BAZ1A: variants seen among roughly 807,000 people sequenced by gnomAD.
The protein encoded by BAZ1A is bromodomain adjacent to zinc finger domain 1A, also known as bromodomain adjacent to zinc finger domain protein 1A.
In BAZ1A, 50 loss-of-function variants were observed where a neutral mutation model predicts 185.2. The observed-to-expected ratio is 0.27, with a 90% CI of 0.22 to 0.34. BAZ1A has a LOEUF of 0.34. Among genes scored for constraint, BAZ1A ranks in the 10% least tolerant of loss-of-function variants. The pLI is 1.00. For synonymous variants in BAZ1A, 571 were observed against 615.6 expected (o/e 0.93, Z 1.07); for missense variants, 1,356 against 1,839.9 (o/e 0.74, Z 4.81).
intron 18 of BAZ1A, among the ~76,000 whole-genome samples, chr14:34,775,030 C>A (rs1372177325): frequency 6.6e-6 from 1 of 152,084 alleles, no homozygotes; most frequent in African/African-American, 2.4e-5. Context: ...GCCTGGCCAA[C>A]ATGGTGAAAC....
intron 3 of BAZ1A, among the ~76,000 whole-genome samples, chr14:34,850,714 ATC>A (rs2138787424): frequency 6.6e-6 from 1 of 152,298 alleles, no homozygotes; most frequent in South Asian, 2.1e-4. Context: ...AAATTTTAGA[ATC>A]TCTGCCACTT....
Position 34,826,065 on chromosome 14 carries a change from T to C in BAZ1A, c.484A>G (p.Ile162Val). 1 of 1,608,520 alleles carries C rather than the reference T, an allele frequency of 6.2e-7. No homozygotes were observed. The highest frequency in any genetic ancestry group is 8.5e-7 in the Non-Finnish European group (1 of 1,176,974). ...TCTGAATCATCACTATCACTGATGA[T>C]AATAGTTTCTCCATCCACACTGTTA... ...HVNSVDGETI[I>V]ISDSDDSETQ... is the part of the protein sequence containing the mutation. The change falls in exon 4 of 27, where the codon ATC (isoleucine) becomes GTC (valine). Residue 162 changes from isoleucine (I) to valine (V), a missense_variant. Physicochemically the swap from Ile to Val is conservative, Grantham distance 29. Coordinates refer to ENST00000360310, the MANE Select transcript of BAZ1A (RefSeq NM_013448.3).
chr14:34,790,631 G>A (rs1006336814), intron 12 of BAZ1A, among the ~76,000 whole-genome samples: 3 of 152,130 alleles, frequency 2.0e-5, no homozygotes, highest in Non-Finnish European at 2.9e-5. Flanking sequence ...TGGGATTACA[G>A]GCATGAGCCA....
chr14:34,757,594 G>A (rs1886312767), intron 25 of BAZ1A, among the ~76,000 whole-genome samples: 1 of 151,900 alleles, frequency 6.6e-6, no homozygotes, highest in Non-Finnish European at 1.5e-5. Flanking sequence ...GAACCCGGGA[G>A]GTGGAGGTTG....
At chr14:34,832,492 G>A (rs1238455471) in intron 3 of BAZ1A, among the ~76,000 whole-genome samples, 2 of 149,042 alleles carry the variant, frequency 1.3e-5, no homozygotes, top group Non-Finnish European at 3.0e-5. Context: ...TCAAAGACGG[G>A]CAAAAGACTT....
At position 34,758,899 on chromosome 14, in the gene BAZ1A, A is replaced by G. The variant is rs79463037; in HGVS notation, c.4244-53T>C. 881 of 1,568,550 alleles carry G rather than the reference A, an allele frequency of 5.6e-4. 4 individuals carry two copies. In the African/African-American group the frequency reaches 0.011, roughly 19 times the overall value. ...TGATAACAAAGCAAAATATTGGTTC[A>G]CTACACGCCAAACTGGATATATAAA... On this transcript the variant is annotated intron_variant, in intron 24 of 26. Coordinates refer to ENST00000360310, the MANE Select transcript of BAZ1A (RefSeq NM_013448.3).
intron 3 of BAZ1A, among the ~76,000 whole-genome samples, chr14:34,854,072 T>C (rs565740772): frequency 6.8e-6 from 1 of 147,230 alleles, no homozygotes; most frequent in Non-Finnish European, 1.5e-5. Context: ...TTATTTTAAC[T>C]GAAATTTAAG....
At chr14:34,794,998 C>G in intron 10 of BAZ1A, 111 bp from the exon 11 acceptor site, 1 of 1,386,274 alleles carries the variant, frequency 7.2e-7, no homozygotes, top group Non-Finnish European at 9.6e-7. Flanking sequence ...TTGTAAGCTA[C>G]TGGTTCTCAA....
At chr14:34,823,668 A>C (rs1233675759) in intron 4 of BAZ1A, among the ~76,000 whole-genome samples, 2 of 152,196 alleles carry the variant, frequency 1.3e-5, no homozygotes, top group African/African-American at 4.8e-5. Flanking sequence ...TCTCAAAAAA[A>C]AAATTTTTCA....
chr14:34,872,913 T>TAAAAAAAAAAAAAAAAA lies in BAZ1A; in HGVS notation c.113+1562_113+1578dup, dbSNP rs35955993. ...AGCAAGGCCTGTAGCTTTAAAATCC[T>TAAAAAAAAAAAAAAAAA]AAAAAAAAAAAAAAAAAAAAAAAAA... On this transcript the variant is annotated intron_variant, in intron 2 of 26. Transcript: ENST00000360310. Among the ~76,000 whole-genome samples the TAAAAAAAAAAAAAAAAA allele has an allele frequency of 2.5e-4, 19 of 76,184 alleles. 1 individual carries two copies. Among genetic ancestry groups the TAAAAAAAAAAAAAAAAA allele is most frequent in the African/African-American group, 8.3e-4 (12 of 14,412 alleles). The allele number at this position is 76,184 out of a possible 152,430, so 50.0% of individuals were successfully genotyped here.
At chr14:34,858,542 T>C (rs541181629) in intron 3 of BAZ1A, among the ~76,000 whole-genome samples, 119 of 152,260 alleles carry the variant, frequency 7.8e-4, no homozygotes, top group African/African-American at 2.7e-3. Flanking sequence ...CTCGAACTCC[T>C]GACCTCAGGT....
intron 3 of BAZ1A, among the ~76,000 whole-genome samples, chr14:34,854,676 T>C (rs1022606662): frequency 5.3e-5 from 8 of 152,200 alleles, no homozygotes; most frequent in Non-Finnish European, 7.3e-5. Context: ...AAGGATGTCA[T>C]TTGTCCAACA....
chr14:34,813,543 G>A (rs868116939), intron 4 of BAZ1A, among the ~76,000 whole-genome samples: 3 of 152,092 alleles, frequency 2.0e-5, no homozygotes, highest in African/African-American at 7.2e-5. Flanking sequence ...AGTTAGCCAG[G>A]TGTGGTGGTG....
chr14:34,833,866 ATGTT>A (rs1220532178), intron 3 of BAZ1A, among the ~76,000 whole-genome samples: 7 of 152,110 alleles, frequency 4.6e-5, no homozygotes, highest in Non-Finnish European at 7.4e-5. Context: ...TAAAAATTTT[ATGTT>A]TATTTTACTA....
Position 34,802,952 on chromosome 14 carries a change from C to T in BAZ1A, c.763G>A (p.Asp255Asn). The T allele has an allele frequency of 6.2e-7, 1 of 1,612,220 alleles. No homozygotes were observed. Among genetic ancestry groups the T allele is most frequent in the Non-Finnish European group, 8.5e-7 (1 of 1,178,358 alleles). ...SLSTYKIAEQDFSYFFPDDPP... is the reference protein window; with the variant it reads ...SLSTYKIAEQNFSYFFPDDPP... ...TCATCAGGGAAGAAATAAGAAAAAT[C>T]TTGTTCTGCTATTTTATACGTTGAA... Residue 255 changes from aspartate to asparagine, a missense_variant, in exon 7 of 27, where the codon GAT becomes AAT. Coordinates refer to ENST00000360310, the MANE Select transcript of BAZ1A (RefSeq NM_013448.3).
intron 26 of BAZ1A, among the ~76,000 whole-genome samples, chr14:34,754,120 C>T (rs1272303392): frequency 1.0e-4 from 15 of 150,738 alleles, no homozygotes; most frequent in African/African-American, 3.4e-4. Context: ...GGCGTGGTGG[C>T]GGGCATCTGT....
chr14:34,840,764 A>AAAAC lies in BAZ1A; in HGVS notation c.393-14612_393-14609dup, dbSNP rs112881728. On this transcript the variant is annotated intron_variant, in intron 3 of 26. Coordinates refer to ENST00000360310, the MANE Select transcript of BAZ1A (RefSeq NM_013448.3). The stretch of plus-strand genomic sequence containing the variant: ...AGAGTGAGACTCTGTCTCCCCCCCA[A>AAAAC]AAACAAACAAACAAACAAACAAACA... 4.1e-3 allele frequency among the ~76,000 whole-genome samples: 605 copies of AAAAC among 149,086 alleles called. 8 individuals carry two copies. The highest frequency in any genetic ancestry group is 0.011 in the African/African-American group (433 of 40,330).
chr14:34,806,992 C>A (rs1345018769), intron 6 of BAZ1A, among the ~76,000 whole-genome samples: 1 of 150,668 alleles, frequency 6.6e-6, no homozygotes, highest in African/African-American at 2.4e-5. Flanking sequence ...TGGGCTCAAG[C>A]AGTATGTACA....
chr14:34,821,511 C>G (rs955089410), intron 4 of BAZ1A, among the ~76,000 whole-genome samples: 1 of 152,124 alleles, frequency 6.6e-6, no homozygotes, highest in African/African-American at 2.4e-5. Context: ...AATTAGAGAA[C>G]TTTTAAAAAT....
Sources: allele counts gnomAD v4.1 joint callset (sites outside exome capture counted in the v4.1 genomes callset), GRCh38; gene constraint gnomAD v4.1.1; transcripts MANE v1.5; gene names NCBI Gene and HGNC (gene_info 2026-07-23, HGNC 2026-07-21).